The following ARHGEF11 variants were observed in gnomAD, a reference collection of about 807,000 sequenced individuals.
ARHGEF11 encodes the protein Rho guanine exchange factor (GEF) 11.
In ARHGEF11, 55 loss-of-function variants were observed where a neutral mutation model predicts 193.7. The observed-to-expected ratio is 0.28, with a 90% CI of 0.23 to 0.36. The LOEUF is 0.36. ARHGEF11 is among the 10% of genes least tolerant of loss of function. The pLI, the probability that ARHGEF11 is intolerant of heterozygous loss-of-function variation, is 1.00. For synonymous variants in ARHGEF11, 693 were observed against 768.0 expected (o/e 0.90, Z 1.62); for missense variants, 1,723 against 2,005.6 (o/e 0.86, Z 2.69).
intron 1 of ARHGEF11, among the ~76,000 whole-genome samples, chr1:157,024,898 T>C (rs1163510565): frequency 1.3e-5 from 2 of 152,238 alleles, no homozygotes; most frequent in Middle Eastern, 3.2e-3. Flanking sequence ...GAACCCCTTG[T>C]GTATTCACAA....
At chr1:156,956,612 C>G in intron 18 of ARHGEF11, 48 bp from the exon 19 acceptor site, 1 of 1,609,418 alleles carries the variant, frequency 6.2e-7, no homozygotes, top group Non-Finnish European at 8.5e-7. Context: ...AAGTTATCTT[C>G]CCTGTGCCAA....
In ARHGEF11 at chr1:156,935,132, G is replaced by A. The variant is rs1238702201; in HGVS notation, c.*868C>T. 1.3e-5 allele frequency: 2 copies of A among 152,504 alleles called. No homozygotes were observed. The highest frequency in any genetic ancestry group is 2.1e-4 in the South Asian group (1 of 4,824). The allele number at this position is 152,504 out of a possible 1,614,324, so 9.4% of individuals were successfully genotyped here. A position where few individuals can be genotyped will look rare whatever the true frequency, so the allele number is the denominator to read the frequency against. ...ATTCAGACCCCTGTCCCCACCTCCTGGGGCCCAGTCCTCAGCTCCGTACCT... is the reference window on the plus strand; with the variant it reads ...ATTCAGACCCCTGTCCCCACCTCCTAGGGCCCAGTCCTCAGCTCCGTACCT... On this transcript the variant is annotated 3_prime_UTR_variant, in exon 41 of 41. Transcript: ENST00000368194.
At position 156,947,375 on chromosome 1, in the gene ARHGEF11, T is replaced by C. The variant is rs1571190764; in HGVS notation, c.2417A>G (p.Lys806Arg). Residue 806 changes from lysine to arginine, a missense_variant, in exon 26 of 41, where the codon AAG becomes AGG. Physicochemically the swap from Lys to Arg is conservative, Grantham distance 26. Coordinates refer to ENST00000368194, the MANE Select transcript of ARHGEF11 (RefSeq NM_198236.3). ...LDLIFYQRMK[K>R]ENLMPREELA... Reference sequence around the variant, plus strand: ...CTCCTCCCGGGGCATCAGGTTCTCCTTCTTCATTCGCTGGTAGAAGATCAG... The same window carrying C: ...CTCCTCCCGGGGCATCAGGTTCTCCCTCTTCATTCGCTGGTAGAAGATCAG... The C allele has an allele frequency of 1.9e-6, 3 of 1,613,942 alleles. No individual in the cohort carries two copies. The highest frequency in any genetic ancestry group is 2.5e-6 in the Non-Finnish European group (3 of 1,180,006).
At chr1:157,026,261 A>T (rs1226222790) in intron 1 of ARHGEF11, among the ~76,000 whole-genome samples, 1 of 152,208 alleles carries the variant, frequency 6.6e-6, no homozygotes, top group Admixed American at 6.5e-5. Flanking sequence ...TACCTTCTGT[A>T]GCTACCTTCC....
intron 1 of ARHGEF11, among the ~76,000 whole-genome samples, chr1:157,031,872 C>T (rs1052801735): frequency 6.6e-6 from 1 of 152,166 alleles, no homozygotes; most frequent in African/African-American, 2.4e-5. Flanking sequence ...GCAGTAACCA[C>T]GTGTTAAGAG....
intron 18 of ARHGEF11, 109 bp from the exon 19 acceptor site, chr1:156,956,673 G>GA: frequency 6.7e-7 from 1 of 1,484,218 alleles, no homozygotes; most frequent in Non-Finnish European, 9.1e-7. Context: ...AGTTACAGGT[G>GA]AAAGTATTCA....
At chr1:157,005,069 T>C (rs1478814119) in intron 1 of ARHGEF11, among the ~76,000 whole-genome samples, 1 of 152,204 alleles carries the variant, frequency 6.6e-6, no homozygotes, top group African/African-American at 2.4e-5. Flanking sequence ...CCTTCGTTTC[T>C]AAATATGCTG....
rs111858431 is a variant in ARHGEF11, at chr1:156,999,882, G to C, written c.33-13709C>G. Reference sequence around the variant, plus strand: ...TCAGTCTCAGCTTTCTTAACAGTAAGATGGGAAGACCAAGCCTTGTACTTT... The same window carrying C: ...TCAGTCTCAGCTTTCTTAACAGTAACATGGGAAGACCAAGCCTTGTACTTT... On this transcript the variant is annotated intron_variant, in intron 1 of 40. Transcript: ENST00000368194. Among the ~76,000 whole-genome samples the C allele has an allele frequency of 3.3e-5, 5 of 152,348 alleles. 1 individual carries two copies. The highest frequency in any genetic ancestry group is 1.2e-4 in the African/African-American group (5 of 41,584).
rs1165139631 is a variant in ARHGEF11 at position 156,948,323 on chromosome 1, T to C, written c.2101A>G (p.Thr701Ala). ...SASSSTSSLSTRSLENPTPPF... is the reference protein window; with the variant it reads ...SASSSTSSLSARSLENPTPPF... ...AGCCGTTGTAGCCCTGCCCACCTGGTGGAGAGGCTGGAGGTAGAGGACGAG... is the reference window on the plus strand; with the variant it reads ...AGCCGTTGTAGCCCTGCCCACCTGGCGGAGAGGCTGGAGGTAGAGGACGAG... Residue 701 changes from threonine to alanine, a missense_variant, in exon 23 of 41, where the codon ACC becomes GCC. Around this residue, in one of 5 missense-constraint regions of ARHGEF11, gnomAD observed 491 missense variants for 654.5 expected, o/e 0.75. Coordinates refer to ENST00000368194, the MANE Select transcript of ARHGEF11 (RefSeq NM_198236.3). This position sits in a 1 kb window ranked among gnomAD's most constrained non-coding sequence, Gnocchi z 4.2. The C allele has an allele frequency of 6.2e-7, 1 of 1,613,812 alleles. No homozygotes were observed. Among genetic ancestry groups the C allele is most frequent in the Non-Finnish European group, 8.5e-7 (1 of 1,179,784 alleles).
chr1:156,945,835 G>T, intron 29 of ARHGEF11: 1 of 495,422 alleles, frequency 2.0e-6, no homozygotes, highest in East Asian at 3.3e-5. Context: ...CTTCGATGGT[G>T]GCCCCTACTC....
intron 1 of ARHGEF11, among the ~76,000 whole-genome samples, chr1:156,995,456 G>A (rs1666342800): frequency 6.6e-6 from 1 of 152,106 alleles, no homozygotes; most frequent in African/African-American, 2.4e-5. Flanking sequence ...TTCTCAGAGA[G>A]GCCTTCTCTG....
intron 22 of ARHGEF11, among the ~76,000 whole-genome samples, chr1:156,950,678 A>C (rs1425324074): frequency 6.8e-6 from 1 of 147,350 alleles, no homozygotes; most frequent in Non-Finnish European, 1.5e-5. Context: ...CAAACAAACA[A>C]ACAAACGAAG....
chr1:157,014,495 A>C (rs1168060045), intron 1 of ARHGEF11, among the ~76,000 whole-genome samples: 1 of 151,616 alleles, frequency 6.6e-6, no homozygotes, highest in Admixed American at 6.6e-5. Context: ...GCAGCCTCAA[A>C]CTCCTGGGCT....
intron 1 of ARHGEF11, among the ~76,000 whole-genome samples, chr1:156,995,253 A>G (rs932786778): frequency 5.3e-5 from 8 of 152,160 alleles, no homozygotes; most frequent in African/African-American, 1.9e-4. Flanking sequence ...GTGGTTTCCC[A>G]CTGTCCTTGC....
intron 3 of ARHGEF11, among the ~76,000 whole-genome samples, chr1:156,981,037 C>T (rs754671117): frequency 1.3e-5 from 2 of 151,970 alleles, no homozygotes; most frequent in Non-Finnish European, 2.9e-5. Flanking sequence ...TTTCTCCCCT[C>T]CTTTTTTTTT....
intron 30 of ARHGEF11, 70 bp downstream of exon 30, chr1:156,944,949 G>A: frequency 6.4e-7 from 1 of 1,553,316 alleles, no homozygotes; most frequent in Non-Finnish European, 8.7e-7. Context: ...TCCAAGCCCT[G>A]ACCAGTGTTC....
At position 156,974,170 on chromosome 1, in the gene ARHGEF11, C is replaced by T. The variant is rs913955238; in HGVS notation, c.583-2354G>A. Among the ~76,000 whole-genome samples the T allele has an allele frequency of 5.3e-5, 8 of 152,146 alleles. No homozygotes were observed. In the East Asian group the frequency reaches 9.6e-4, roughly 18 times the overall value. On this transcript the variant is annotated intron_variant, in intron 7 of 40. Coordinates refer to ENST00000368194, the MANE Select transcript of ARHGEF11 (RefSeq NM_198236.3). ...GCAGCCTCAAACCCCTGGGCTTAAG[C>T]GGTCCTCCTACCTCAGCCTCCTAAG...
rs373643566 is a variant in ARHGEF11, at chr1:156,958,914, C to T, written c.1380-50G>A. 3.7e-6 allele frequency: 6 copies of T among 1,612,766 alleles called. No homozygotes were observed. The African/African-American group carries it at 8.0e-5, about 22-fold the overall frequency. ...GAAAGAAATATACACAAATACTCAA[C>T]AGATGGACATCCAGAAAGAACAAGA... On this transcript the variant is annotated intron_variant, in intron 16 of 40. Coordinates refer to ENST00000368194, the MANE Select transcript of ARHGEF11 (RefSeq NM_198236.3).
intron 34 of ARHGEF11, among the ~76,000 whole-genome samples, 161 bp from the exon 35 acceptor site, chr1:156,941,594 C>T (rs1656949050): frequency 6.6e-6 from 1 of 152,228 alleles, no homozygotes; most frequent in African/African-American, 2.4e-5. Flanking sequence ...GCTAGCTGAG[C>T]TTCTCTGGTC....
Sources: gnomAD v4.1 joint callset for allele counts (sites outside exome capture counted in the v4.1 genomes callset) on GRCh38, gnomAD v4.1.1 for gene constraint, gnomAD v4.1.1 regional missense constraint, Gnocchi (gnomAD v3.1) non-coding constraint, MANE v1.5 for transcripts, NCBI Gene and HGNC (gene_info 2026-07-23, HGNC 2026-07-21) for gene names.